FAM107B: variants seen among roughly 807,000 people sequenced by gnomAD.
The protein encoded by FAM107B is protein FAM107B.
FAM107B carries 21 observed loss-of-function variants against 31.5 expected under a neutral mutation model. The observed-to-expected ratio is 0.67, with a 90% confidence interval of 0.47 to 0.96. The LOEUF (loss-of-function observed/expected upper bound fraction) is 0.96. Ranked by LOEUF, FAM107B falls within the 40% of genes least tolerant of loss-of-function variation. The pLI is 0.00. For synonymous variants in FAM107B, 157 were observed against 141.5 expected (o/e 1.11, Z -0.78); for missense variants, 452 against 377.1 (o/e 1.20, Z -1.64).
At chr10:14,542,355 G>C (rs182097607) in intron 2 of FAM107B, among the ~76,000 whole-genome samples, 4 of 151,788 alleles carry the variant, frequency 2.6e-5, no homozygotes, top group Admixed American at 6.5e-5. Context: ...ACCCCACCAA[G>C]TCTTCCCTGG....
intron 1 of FAM107B, among the ~76,000 whole-genome samples, chr10:14,768,490 A>G (rs779109305): frequency 6.6e-6 from 1 of 152,208 alleles, no homozygotes; most frequent in South Asian, 2.1e-4. Flanking sequence ...AAACCCTCAC[A>G]TATATGGTCA....
intron 2 of FAM107B, among the ~76,000 whole-genome samples, chr10:14,636,684 C>T (rs1853508016): frequency 6.6e-6 from 1 of 150,776 alleles, no homozygotes; most frequent in African/African-American, 2.4e-5. Flanking sequence ...TAGGGCTCAA[C>T]ATATGAATTT....
chr10:14,553,989 T>C, intron 2 of FAM107B: 2 of 487,082 alleles, frequency 4.1e-6, no homozygotes, highest in Non-Finnish European at 5.3e-6. Flanking sequence ...AGCCCGTTTT[T>C]CCTTGTCTTC....
chr10:14,612,908 T>G (rs1852759311), intron 2 of FAM107B, among the ~76,000 whole-genome samples: 1 of 152,154 alleles, frequency 6.6e-6, no homozygotes, highest in Non-Finnish European at 1.5e-5. Flanking sequence ...GAAATAAAAA[T>G]TCCTAGAAAA....
chr10:14,561,941 C>T (rs1850278172), intron 2 of FAM107B, among the ~76,000 whole-genome samples: 1 of 152,150 alleles, frequency 6.6e-6, no homozygotes, highest in Non-Finnish European at 1.5e-5. Context: ...TGTGCCACCA[C>T]GCCCAGCTAA....
At chr10:14,679,765 T>C (rs10906744) in intron 1 of FAM107B, among the ~76,000 whole-genome samples, 37,161 of 152,184 alleles carry the variant, frequency 0.24, 5,277 homozygotes, top group South Asian at 0.41. Context: ...GACAGTGGAC[T>C]GGGAAAGGCA....
intron 2 of FAM107B, among the ~76,000 whole-genome samples, chr10:14,631,288 G>C (rs557812075): frequency 6.6e-6 from 1 of 152,218 alleles, no homozygotes; most frequent in South Asian, 2.1e-4. Flanking sequence ...TCTTTCATGA[G>C]CTGCCACCAT....
At chr10:14,552,737 G>A (rs544026462) in intron 2 of FAM107B, among the ~76,000 whole-genome samples, 53 of 152,100 alleles carry the variant, frequency 3.5e-4, no homozygotes, top group Middle Eastern at 3.4e-3. Context: ...GCTGAGGCCC[G>A]AGAAAAGCTT....
At chr10:14,666,334 C>T (rs1854402698) in intron 2 of FAM107B, among the ~76,000 whole-genome samples, 1 of 152,174 alleles carries the variant, frequency 6.6e-6, no homozygotes, top group South Asian at 2.1e-4. Flanking sequence ...TCCTTCTTCA[C>T]ATGACAGTAG....
chr10:14,754,072 G>A (rs1832882290), intron 1 of FAM107B, among the ~76,000 whole-genome samples: 1 of 151,738 alleles, frequency 6.6e-6, no homozygotes, highest in Admixed American at 6.6e-5. Flanking sequence ...CCTAGCAGCT[G>A]GGATTACAGG....
chr10:14,577,093 T>C (rs771242909), intron 2 of FAM107B, among the ~76,000 whole-genome samples: 1 of 152,234 alleles, frequency 6.6e-6, no homozygotes, highest in Non-Finnish European at 1.5e-5. Context: ...CTGCTTATGA[T>C]GAAATCTTAC....
chr10:14,578,270 T>C (rs959640085), intron 2 of FAM107B, among the ~76,000 whole-genome samples: 5 of 152,234 alleles, frequency 3.3e-5, no homozygotes, highest in African/African-American at 1.2e-4. Context: ...TGCTGGATCC[T>C]TCATTTGGAG....
chr10:14,588,666 T>G (rs1851920976), intron 2 of FAM107B, among the ~76,000 whole-genome samples: 1 of 151,852 alleles, frequency 6.6e-6, no homozygotes, highest in South Asian at 2.1e-4. Flanking sequence ...AAACATCCTC[T>G]CCCATGCCAC....
intron 1 of FAM107B, among the ~76,000 whole-genome samples, chr10:14,695,720 C>A (rs1301089804): frequency 6.6e-6 from 1 of 152,084 alleles, no homozygotes; most frequent in African/African-American, 2.4e-5. Flanking sequence ...TAAGATTATT[C>A]CTAAGTACTT....
intron 2 of FAM107B, among the ~76,000 whole-genome samples, chr10:14,635,267 G>A (rs1853469069): frequency 6.6e-6 from 1 of 151,906 alleles, no homozygotes; most frequent in Non-Finnish European, 1.5e-5. Context: ...AAGAAGAACA[G>A]GAGCAAGAAA....
intron 1 of FAM107B, among the ~76,000 whole-genome samples, chr10:14,721,924 C>A (rs920969261): frequency 2.0e-4 from 31 of 152,268 alleles, no homozygotes; most frequent in African/African-American, 7.0e-4. Flanking sequence ...CTCGCCCATG[C>A]CTATGTCCTG....
intron 1 of FAM107B, among the ~76,000 whole-genome samples, chr10:14,762,799 C>CAAA (rs1435858730): frequency 7.0e-6 from 1 of 143,638 alleles, no homozygotes; most frequent in African/African-American, 2.7e-5. Flanking sequence ...CACACACACA[C>CAAA]ACAAAAAGAA....
At chr10:14,711,492 C>T (rs1375289662) in intron 1 of FAM107B, among the ~76,000 whole-genome samples, 2 of 152,162 alleles carry the variant, frequency 1.3e-5, no homozygotes, top group African/African-American at 4.8e-5. Flanking sequence ...CAGTCACATG[C>T]TACACAGGTA....
At chr10:14,682,140 G>T (rs1027430692) in intron 1 of FAM107B, among the ~76,000 whole-genome samples, 8 of 152,154 alleles carry the variant, frequency 5.3e-5, no homozygotes, top group Non-Finnish European at 8.8e-5. Flanking sequence ...AAATATTTGG[G>T]AAGGAAAACA....
Sources: allele counts gnomAD v4.1 joint callset (sites outside exome capture counted in the v4.1 genomes callset), GRCh38; gene constraint gnomAD v4.1.1; transcripts MANE v1.5; gene names NCBI Gene and HGNC (gene_info 2026-07-23, HGNC 2026-07-21).